The following CFAP69 variants were observed in gnomAD, a reference collection of about 807,000 sequenced individuals.
CFAP69 encodes the protein cilia- and flagella-associated protein 69.
Under a neutral mutation model 123.0 loss-of-function variants are expected in CFAP69, and 92 were observed. The observed-to-expected ratio is 0.75, with a 90% CI of 0.63 to 0.89. The LOEUF is 0.89. Ranked by LOEUF, CFAP69 falls within the 40% of genes least tolerant of loss-of-function variation. CFAP69 has a pLI of 0.00. For synonymous variants in CFAP69, 380 were observed against 364.3 expected (o/e 1.04, Z -0.49); for missense variants, 1,067 against 1,096.9 (o/e 0.97, Z 0.39).
rs1274070380 is a variant in CFAP69 at position 90,283,017 on chromosome 7, A to G, written c.1498A>G (p.Lys500Glu). ...VVYLEDETVNKDLCEKGTIQQ... is the reference protein window; with the variant it reads ...VVYLEDETVNEDLCEKGTIQQ... ...CTACCTTGAAGATGAGACTGTAAAC[A>G]AAGATCTTTGTGAAAAGGGAACAAT... The change falls in exon 13 of 23, where the codon AAA (lysine) becomes GAA (glutamate). Residue 500 changes from lysine to glutamate, a missense_variant. Transcript: ENST00000389297. 1.3e-6 allele frequency: 2 copies of G among 1,582,180 alleles called. No individual in the cohort carries two copies. Among genetic ancestry groups the G allele is most frequent in the Non-Finnish European group, 1.7e-6 (2 of 1,166,046 alleles).
intron 21 of CFAP69, 132 bp downstream of exon 21, chr7:90,307,986 A>C: frequency 1.9e-6 from 1 of 534,700 alleles, no homozygotes; most frequent in South Asian, 2.8e-5. Context: ...TTAGATGCTC[A>C]TATGCAATTT....
chr7:90,300,583 C>T (rs1404054912), intron 17 of CFAP69: 1 of 414,142 alleles, frequency 2.4e-6, no homozygotes, highest in Non-Finnish European at 3.2e-6. Context: ...ATTAATGAGA[C>T]TTACAGTATC....
the CFAP69 span, chr7:90,319,485 A>C: frequency 2.0e-5 from 8 of 398,518 alleles, no homozygotes; most frequent in African/African-American, 1.6e-4. Context: ...TTAAGAAGAC[A>C]TTATAATGTC....
At chr7:90,262,100 A>G in intron 4 of CFAP69, 44 bp downstream of exon 4, 1 of 1,220,762 alleles carries the variant, frequency 8.2e-7, no homozygotes, top group Non-Finnish European at 1.2e-6. Flanking sequence ...AACATGGAGT[A>G]TTTTATTATG....
the CFAP69 span, chr7:90,316,809 A>G: frequency 6.6e-6 from 1 of 152,216 alleles, no homozygotes; most frequent in Non-Finnish European, 1.5e-5. Flanking sequence ...CCATTTTGCC[A>G]TTAACTGGAA....
At position 90,310,130 on chromosome 7, in the gene CFAP69, G is replaced by T; in HGVS notation, c.2718G>T (p.Leu906=). The change falls in exon 23 of 23, where the codon CTG becomes CTT. Residue 906 remains leucine (L), a synonymous_variant. Coordinates refer to ENST00000389297, the MANE Select transcript of CFAP69 (RefSeq NM_001039706.3). ...CTGCCCGATTAGTAGGAGGACCTCT[G>T]GTTGATACGGATATTGCTCTTAAAA... ...STPARLVGGP[L]VDTDIALKKL... 2.5e-6 allele frequency: 4 copies of T among 1,613,926 alleles called. No homozygotes were observed. The highest frequency in any genetic ancestry group is 3.4e-6 in the Non-Finnish European group (4 of 1,179,876).
chr7:90,290,373 T>C (rs1353374063), intron 15 of CFAP69, among the ~76,000 whole-genome samples: 2 of 152,162 alleles, frequency 1.3e-5, no homozygotes, highest in East Asian at 3.8e-4. Context: ...AATATTTCCA[T>C]TTGAGTCTGA....
chr7:90,273,687 T>C (rs1302561417), intron 8 of CFAP69, among the ~76,000 whole-genome samples: 1 of 152,154 alleles, frequency 6.6e-6, no homozygotes, highest in Non-Finnish European at 1.5e-5. Context: ...ATTTTTCAGT[T>C]TGGGAGGCTA....
chr7:90,285,268 A>C (rs1790099334), intron 13 of CFAP69, among the ~76,000 whole-genome samples: 1 of 152,080 alleles, frequency 6.6e-6, no homozygotes, highest in African/African-American at 2.4e-5. Context: ...CCCCACCTGT[A>C]ATTCATCCTA....
At chr7:90,290,222 C>G (rs1049165962) in intron 15 of CFAP69, among the ~76,000 whole-genome samples, 11 of 152,082 alleles carry the variant, frequency 7.2e-5, no homozygotes, top group African/African-American at 2.7e-4. Flanking sequence ...CTGAAAAGTC[C>G]CAAGAACTAC....
At chr7:90,266,589 T>G (rs906497548) in intron 5 of CFAP69, among the ~76,000 whole-genome samples, 8 of 152,160 alleles carry the variant, frequency 5.3e-5, no homozygotes, top group African/African-American at 1.9e-4. Flanking sequence ...ATGGCTCACT[T>G]TTTACTGAGT....
Position 90,277,305 on chromosome 7 carries a change from A to C in CFAP69, c.1126A>C (p.Ile376Leu), listed in dbSNP as rs1228946890. Residue 376 changes from isoleucine to leucine, a missense_variant, in exon 11 of 23, where the codon ATC becomes CTC. Transcript: ENST00000389297. ...GAAATTACTATTCAACGTAATTGTG[A>C]TCTTATGTAAAGATTTACCTACTGT... is the stretch of plus-strand genomic sequence containing the variant. ...LKKLLFNVIV[I>L]LCKDLPTVQL... 2.3e-5 allele frequency: 37 copies of C among 1,579,164 alleles called. No individual in the cohort carries two copies. Among genetic ancestry groups the C allele is most frequent in the Non-Finnish European group, 3.1e-5 (36 of 1,165,728 alleles).
At chr7:90,309,934 A>G (rs1794135008) in intron 22 of CFAP69, 134 bp from the exon 23 acceptor site, 1 of 661,848 alleles carries the variant, frequency 1.5e-6, no homozygotes, top group East Asian at 2.7e-5. Flanking sequence ...TTATCTTTCT[A>G]TTATACCATA....
the CFAP69 span, among the ~76,000 whole-genome samples, chr7:90,323,610 C>A: frequency 3.3e-5 from 5 of 151,768 alleles, no homozygotes; most frequent in Non-Finnish European, 5.9e-5. Context: ...ATTGAGAAAG[C>A]AAGAAGAGAG....
chr7:90,304,864 A>G (rs1319697191), intron 19 of CFAP69, 44 bp downstream of exon 19: 1 of 1,188,476 alleles, frequency 8.4e-7, no homozygotes, highest in Non-Finnish European at 1.2e-6. Flanking sequence ...TCTAGATAGC[A>G]AAAAATTAAC....
downstream of CFAP69, chr7:90,312,462 T>TGATG (rs1274742825): frequency 6.6e-6 from 1 of 152,246 alleles, no homozygotes; most frequent in Admixed American, 6.5e-5. Context: ...ACCTTTCTTC[T>TGATG]TCCATGTATT....
intron 1 of CFAP69, among the ~76,000 whole-genome samples, chr7:90,245,792 G>A (rs574651417): frequency 6.6e-6 from 1 of 152,308 alleles, no homozygotes; most frequent in South Asian, 2.1e-4. Context: ...TCCTCCTGGA[G>A]GGTCCTAGCA....
At chr7:90,268,196 A>T in intron 5 of CFAP69, 90 bp from the exon 6 acceptor site, 1 of 746,310 alleles carries the variant, frequency 1.3e-6, no homozygotes, top group Non-Finnish European at 2.2e-6. Flanking sequence ...TATTTTTAAT[A>T]ATCATCATAT....
At chr7:90,289,514 C>G (rs950905925) in intron 15 of CFAP69, among the ~76,000 whole-genome samples, 1 of 151,982 alleles carries the variant, frequency 6.6e-6, no homozygotes, top group Non-Finnish European at 1.5e-5. Context: ...CTTTATATGT[C>G]CTGGATATGA....
Sources: gnomAD v4.1 joint callset for allele counts (sites outside exome capture counted in the v4.1 genomes callset) on GRCh38, gnomAD v4.1.1 for gene constraint, MANE v1.5 for transcripts, NCBI Gene and HGNC (gene_info 2026-07-23, HGNC 2026-07-21) for gene names.